PRRT4: variants seen among roughly 807,000 people sequenced by gnomAD.
PRRT4 encodes the protein proline-rich transmembrane protein 4.
Under a neutral mutation model 55.6 loss-of-function variants are expected in PRRT4, and 59 were observed. The ratio of observed to expected loss-of-function variants is 1.06; its 90% CI spans 0.86 to 1.32. The LOEUF is 1.32. Ranked by LOEUF, PRRT4 falls within the 40% of genes most tolerant of loss-of-function variation. PRRT4 has a pLI of 0.00. For synonymous variants in PRRT4, 606 were observed against 601.8 expected, an observed-to-expected ratio of 1.01 and a Z score of -0.10; for missense variants, 1,217 against 1,222.0, an observed-to-expected ratio of 1.00 and a Z score of 0.06.
intron 4 of PRRT4, among the ~76,000 whole-genome samples, chr7:128,354,901 G>A (rs1051642579): frequency 1.5e-4 from 23 of 152,226 alleles, no homozygotes. Context: ...GAGACAACGT[G>A]TGTAAAACTC....
chr7:128,359,272 C>A lies in PRRT4; in HGVS notation c.653-19G>T. 1 of 1,546,396 alleles carries A rather than the reference C, an allele frequency of 6.5e-7. No individual in the cohort carries two copies. The highest frequency in any genetic ancestry group is 2.4e-5 in the East Asian group (1 of 40,878). The stretch of plus-strand genomic sequence containing the variant: ...AAGAATCCTGCAAAAGAAGCCCAGG[C>A]TGAAGCTGCCTCCTACCTGCCAGGG... On this transcript the variant is annotated intron_variant, in intron 2 of 4. Transcript: ENST00000535159.
chr7:128,355,604 T>A (rs544271922), intron 4 of PRRT4, among the ~76,000 whole-genome samples: 1 of 152,314 alleles, frequency 6.6e-6, no homozygotes, highest in Non-Finnish European at 1.5e-5. Context: ...GCTGATCAGG[T>A]GGCATAGGTC....
At chr7:128,359,995 C>T in exon 2 of PRRT4, 2 of 1,308,252 alleles carry the variant, frequency 1.5e-6, no homozygotes, top group African/African-American at 3.0e-5. Flanking sequence ...TGGCCATGGC[C>T]CCACCTGGCT....
At chr7:128,350,771 T>C (rs967684153), downstream of PRRT4, 272 of 1,499,066 alleles carry the variant, frequency 1.8e-4, no homozygotes, top group Non-Finnish European at 2.3e-4. Context: ...CCAGGGAGGA[T>C]TGGGGAAGGA....
chr7:128,354,759 G>A (rs1160899598), intron 4 of PRRT4, among the ~76,000 whole-genome samples: 2 of 152,228 alleles, frequency 1.3e-5, no homozygotes, highest in Non-Finnish European at 2.9e-5. Flanking sequence ...AAAGGAAGCA[G>A]CCAAAACATT....
intron 1 of PRRT4, among the ~76,000 whole-genome samples, chr7:128,361,103 T>TCTCACACA (rs1450661437): frequency 2.6e-5 from 2 of 77,510 alleles, no homozygotes; most frequent in Non-Finnish European, 5.0e-5. Context: ...TCTCTCTCTC[T>TCTCACACA]CACACACACA....
exon 2 of PRRT4, chr7:128,359,619 A>T: frequency 6.5e-7 from 1 of 1,529,030 alleles, no homozygotes; most frequent in South Asian, 1.2e-5. Context: ...AGCAGGGAGG[A>T]GGCCCGGGGC....
At chr7:128,357,350 G>T (rs1446288252) in intron 4 of PRRT4, among the ~76,000 whole-genome samples, 2 of 152,046 alleles carry the variant, frequency 1.3e-5, no homozygotes, top group Non-Finnish European at 2.9e-5. Context: ...CAGTATCAGG[G>T]GCTGGGTTCC....
At chr7:128,350,977 C>G (rs990410036) in exon 5 of PRRT4, 26 of 1,550,878 alleles carry the variant, frequency 1.7e-5, no homozygotes, top group Non-Finnish European at 2.2e-5. Context: ...TGGGGAGTCG[C>G]GAGAGGGTGG....
At chr7:128,361,703 G>A (rs1797264103), upstream of PRRT4, 1 of 152,310 alleles carries the variant, frequency 6.6e-6, no homozygotes, top group African/African-American at 2.4e-5. Context: ...CGGCCCTCCC[G>A]TCCGCCCGCC....
chr7:128,360,204 T>C, intron 1 of PRRT4, 141 bp from the exon 3 acceptor site: 1 of 404,844 alleles, frequency 2.5e-6, no homozygotes, highest in Non-Finnish European at 4.3e-6. Context: ...TCCATGGCTC[T>C]GGCTCTTCTT....
intron 4 of PRRT4, among the ~76,000 whole-genome samples, chr7:128,353,611 T>A (rs969676375): frequency 3.3e-5 from 5 of 152,174 alleles, no homozygotes; most frequent in Non-Finnish European, 7.3e-5. Flanking sequence ...TCCTGCCTCA[T>A]CCACAAAGCC....
intron 4 of PRRT4, among the ~76,000 whole-genome samples, chr7:128,356,612 G>C (rs1203373733): frequency 6.6e-6 from 1 of 152,234 alleles, no homozygotes; most frequent in Non-Finnish European, 1.5e-5. Context: ...TCCCTTTCTG[G>C]CCCTGTGGGC....
chr7:128,350,787 G>A, downstream of PRRT4: 1 of 1,525,740 alleles, frequency 6.6e-7, no homozygotes, highest in Non-Finnish European at 8.8e-7. Context: ...AAGGATTACA[G>A]TGTGCAGGTC....
At chr7:128,351,035 C>T in exon 5 of PRRT4, 1 of 1,549,576 alleles carries the variant, frequency 6.5e-7, no homozygotes, top group East Asian at 2.4e-5. Flanking sequence ...GGGCTGCTTC[C>T]TGAGGGCCGC....
rs565132926 is a variant in PRRT4, at chr7:128,358,598, G to A, written c.877+83C>T. On this transcript the variant is annotated intron_variant, in intron 4 of 4. Transcript: ENST00000535159. The surrounding 1 kb of genome is among the most constrained non-coding windows in gnomAD (Gnocchi z 4.4). Reference sequence around the variant, plus strand: ...TGATTATGATGACAATGAAATAAAAGGGTCCCAGAACACTGATGAGTGACT... The same window carrying A: ...TGATTATGATGACAATGAAATAAAAAGGTCCCAGAACACTGATGAGTGACT... 1 of 1,176,130 alleles carries A rather than the reference G, an allele frequency of 8.5e-7. No individual in the cohort carries two copies. Among genetic ancestry groups the A allele is most frequent in the African/African-American group, 1.5e-5 (1 of 65,504 alleles). The allele number at this position is 1,176,130 out of a possible 1,614,324, so 72.9% of individuals were successfully genotyped here.
chr7:128,351,358 T>C, exon 5 of PRRT4: 1 of 1,547,216 alleles, frequency 6.5e-7, no homozygotes, highest in Non-Finnish European at 8.7e-7. Context: ...GAGGGCCTCC[T>C]CGATGCTGCG....
chr7:128,352,299 G>A (rs1797004218), exon 5 of PRRT4: 10 of 1,543,254 alleles, frequency 6.5e-6, no homozygotes, highest in Non-Finnish European at 7.9e-6. Flanking sequence ...CATAGGCGTC[G>A]TAGAAGAGCG....
At position 128,359,333 on chromosome 7, in the gene PRRT4, T is replaced by C; in HGVS notation, c.652+7A>G. ...GGGGCTTTCCTTGGGATGGGGTGGT[T>C]ACTCACCAAAGGGTCCCAGGCGCCC... On this transcript the variant is annotated splice_region_variant and intron_variant, in intron 2 of 4. Coordinates refer to ENST00000535159, the Ensembl canonical transcript of PRRT4. 6.7e-7 allele frequency: 1 copy of C among 1,494,760 alleles called. No individual in the cohort carries two copies. Among genetic ancestry groups the C allele is most frequent in the Non-Finnish European group, 8.9e-7 (1 of 1,123,692 alleles). 92.6% of individuals were successfully genotyped at this position (1,494,760 alleles called of 1,614,324 possible). A position where few individuals can be genotyped will look rare whatever the true frequency, so the allele number is the denominator to read the frequency against.
Sources: allele counts gnomAD v4.1 joint callset (sites outside exome capture counted in the v4.1 genomes callset), GRCh38; gene constraint gnomAD v4.1.1; non-coding constraint Gnocchi (gnomAD v3.1); transcripts MANE v1.5; gene names NCBI Gene and HGNC (gene_info 2026-07-23, HGNC 2026-07-21).